The following IL1RAP variants were observed in gnomAD, a reference collection of about 807,000 sequenced individuals.
IL1RAP encodes the protein interleukin 1 receptor accessory protein, also known as interleukin-1 receptor accessory protein.
In IL1RAP, 35 loss-of-function variants were observed where a neutral mutation model predicts 60.7. That is an observed-to-expected ratio of 0.58 (90% CI 0.44 to 0.76). The LOEUF is 0.76. IL1RAP is among the 30% of genes least tolerant of loss of function. The pLI, the probability that IL1RAP is intolerant of heterozygous loss-of-function variation, is 0.00. For synonymous variants in IL1RAP, 268 were observed against 250.9 expected, an observed-to-expected ratio of 1.07 and a Z score of -0.64; for missense variants, 572 against 693.9, an observed-to-expected ratio of 0.82 and a Z score of 1.97.
intron 3 of IL1RAP, among the ~76,000 whole-genome samples, chr3:190,591,917 A>T (rs187686801): frequency 3.9e-5 from 6 of 152,320 alleles, no homozygotes; most frequent in African/African-American, 1.4e-4. Flanking sequence ...CTGCAAAAAA[A>T]ATCATTCCCT....
intron 2 of IL1RAP, among the ~76,000 whole-genome samples, chr3:190,561,361 C>T (rs945210390): frequency 1.5e-4 from 23 of 152,162 alleles, no homozygotes; most frequent in African/African-American, 5.3e-4. Context: ...TGTTCAATCA[C>T]GTTTCCTTTT....
exon 12 of IL1RAP, chr3:190,659,476 A>G (rs1223222624): frequency 6.6e-6 from 1 of 152,222 alleles, no homozygotes; most frequent in East Asian, 1.9e-4. Flanking sequence ...GACATGCCAA[A>G]TTGAATGTGA....
intron 3 of IL1RAP, among the ~76,000 whole-genome samples, chr3:190,601,040 A>C (rs1305905732): frequency 3.9e-5 from 6 of 152,144 alleles, no homozygotes; most frequent in Non-Finnish European, 7.4e-5. Flanking sequence ...GCTGGAGTGC[A>C]GTGGCACGAT....
At chr3:190,577,049 C>T (rs1436643527) in intron 3 of IL1RAP, among the ~76,000 whole-genome samples, 1 of 141,732 alleles carries the variant, frequency 7.1e-6, no homozygotes, top group Non-Finnish European at 1.5e-5. Flanking sequence ...TGCAGGGAGC[C>T]GAGATCGCGC....
intron 5 of IL1RAP, 26 bp from the exon 6 acceptor site, chr3:190,620,249 A>C: frequency 1.3e-6 from 1 of 777,454 alleles, no homozygotes; most frequent in Non-Finnish European, 1.9e-6. Flanking sequence ...TAAAAAGTAA[A>C]CTTTTTTTTT....
chr3:190,651,324 C>G lies in IL1RAP; in HGVS notation c.*2619C>G. ...GTAACTTAGATGATTCCCAAGGACTCTAATAAAAAATCACTTCATTGTATT... is the reference window on the plus strand; with the variant it reads ...GTAACTTAGATGATTCCCAAGGACTGTAATAAAAAATCACTTCATTGTATT... On this transcript the variant is annotated 3_prime_UTR_variant, in exon 12 of 12. Transcript: ENST00000447382. 1 of 927,242 alleles carries G rather than the reference C, an allele frequency of 1.1e-6. No homozygotes were observed. The highest frequency in any genetic ancestry group is 1.8e-5 in the African/African-American group (1 of 56,168). The allele number at this position is 927,242 out of a possible 1,614,324, so 57.4% of individuals were successfully genotyped here.
chr3:190,616,498 G>A (rs114585237), intron 5 of IL1RAP, among the ~76,000 whole-genome samples: 1,636 of 151,960 alleles, frequency 0.011, 24 homozygotes, highest in African/African-American at 0.036. Context: ...GTAAATATTT[G>A]TTGTGTAATC....
At chr3:190,576,670 T>C (rs930904770) in intron 3 of IL1RAP, among the ~76,000 whole-genome samples, 1 of 152,170 alleles carries the variant, frequency 6.6e-6, no homozygotes, top group Non-Finnish European at 1.5e-5. Context: ...TCACCTGGAA[T>C]AGGCTTTGTG....
intron 3 of IL1RAP, among the ~76,000 whole-genome samples, chr3:190,573,662 C>T (rs1489585585): frequency 6.6e-6 from 1 of 152,164 alleles, no homozygotes. Context: ...GATTCTTCCT[C>T]TCATTTATAA....
At chr3:190,519,021 G>C (rs997827847) in intron 1 of IL1RAP, 9 of 152,164 alleles carry the variant, frequency 5.9e-5, no homozygotes, top group African/African-American at 2.2e-4. Context: ...TAGAACTGAG[G>C]ACTTAGACTA....
chr3:190,605,974 G>A (rs1560207565), intron 4 of IL1RAP, among the ~76,000 whole-genome samples: 1 of 152,052 alleles, frequency 6.6e-6, no homozygotes, highest in Non-Finnish European at 1.5e-5. Context: ...ACTACTCCCT[G>A]ATGGAAAACT....
At chr3:190,623,204 G>A (rs151006772) in intron 6 of IL1RAP, 140 bp from the exon 7 acceptor site, 4 of 636,868 alleles carry the variant, frequency 6.3e-6, no homozygotes, top group Middle Eastern at 2.5e-4. Flanking sequence ...CAGTAATTGA[G>A]TATATCTTGG....
chr3:190,572,865 T>G lies in IL1RAP; in HGVS notation c.64+8512T>G, dbSNP rs1321174687. Among the ~76,000 whole-genome samples, 3 of 32,072 alleles carry G rather than the reference T, an allele frequency of 9.4e-5. 1 individual carries two copies. Among genetic ancestry groups the G allele is most frequent in the Non-Finnish European group, 2.2e-4 (3 of 13,376 alleles). The allele number at this position is 32,072 out of a possible 152,430, so 21.0% of individuals were successfully genotyped here. The stretch of plus-strand genomic sequence containing the variant: ...TGTCCAGGGTTAATGCTTTGTTTTT[T>G]TTTTTTTTTTTTTTTTGAGACGGAG... On this transcript the variant is annotated intron_variant, in intron 3 of 11. Transcript: ENST00000447382.
intron 3 of IL1RAP, among the ~76,000 whole-genome samples, chr3:190,589,935 C>T (rs1369480086): frequency 1.3e-5 from 2 of 152,200 alleles, no homozygotes; most frequent in Non-Finnish European, 2.9e-5. Context: ...CACTCAAATC[C>T]AAGCTTTGAG....
At chr3:190,658,775 C>T (rs6763559) in exon 12 of IL1RAP, 8,671 of 151,968 alleles carry the variant, frequency 0.057, 532 homozygotes, top group East Asian at 0.26. Context: ...CTTTCTTTGT[C>T]GAAACAAACA....
Position 190,651,257 on chromosome 3 carries a change from A to G in IL1RAP, c.*2552A>G, listed in dbSNP as rs1734381360. On this transcript the variant is annotated 3_prime_UTR_variant, in exon 12 of 12. Coordinates refer to ENST00000447382, the MANE Select transcript of IL1RAP (RefSeq NM_002182.4). Reference sequence around the variant, plus strand: ...AGAACTGTGATATATAGAGTGTCTAATTACAAAATCATATACGATTTATTT... The same window carrying G: ...AGAACTGTGATATATAGAGTGTCTAGTTACAAAATCATATACGATTTATTT... 1.0e-6 allele frequency: 1 copy of G among 969,242 alleles called. No homozygotes were observed. The highest frequency in any genetic ancestry group is 4.8e-5 in the South Asian group (1 of 20,956). 60.0% of individuals were successfully genotyped at this position (969,242 alleles called of 1,614,324 possible). A position where few individuals can be genotyped will look rare whatever the true frequency, so the allele number is the denominator to read the frequency against.
In IL1RAP at chr3:190,649,689, G is replaced by C. The variant is rs757020989; in HGVS notation, c.*984G>C. On this transcript the variant is annotated 3_prime_UTR_variant, in exon 12 of 12. Transcript: ENST00000447382. Reference sequence around the variant, plus strand: ...CGTTTTTGTTGCTCCATTGTAAAGGGCGGAGGTCAGTCTTAGTGGCCTTGA... The same window carrying C: ...CGTTTTTGTTGCTCCATTGTAAAGGCCGGAGGTCAGTCTTAGTGGCCTTGA... 12 of 985,674 alleles carry C rather than the reference G, an allele frequency of 1.2e-5. No homozygotes were observed. Among genetic ancestry groups the C allele is most frequent in the Middle Eastern group, 1.0e-3 (2 of 1,936 alleles). 61.1% of individuals were successfully genotyped at this position (985,674 alleles called of 1,614,324 possible). A position where few individuals can be genotyped will look rare whatever the true frequency, so the allele number is the denominator to read the frequency against.
intron 5 of IL1RAP, among the ~76,000 whole-genome samples, chr3:190,612,668 T>G (rs2108773388): frequency 6.6e-6 from 1 of 152,268 alleles, no homozygotes. Flanking sequence ...TGATCATGGG[T>G]TTATTGGGAT....
chr3:190,608,876 C>T, intron 4 of IL1RAP, 119 bp from the exon 5 acceptor site: 1 of 681,066 alleles, frequency 1.5e-6, no homozygotes, highest in East Asian at 2.8e-5. Flanking sequence ...CTTACATGAA[C>T]TTACATGTAT....
Sources: allele counts gnomAD v4.1 joint callset (sites outside exome capture counted in the v4.1 genomes callset), GRCh38; gene constraint gnomAD v4.1.1; transcripts MANE v1.5; gene names NCBI Gene and HGNC (gene_info 2026-07-23, HGNC 2026-07-21).